FHIT: variants seen among roughly 807,000 people sequenced by gnomAD.
FHIT encodes the protein bis(5'-adenosyl)-triphosphatase.
FHIT carries 19 observed loss-of-function variants against 17.9 expected under a neutral mutation model. That is an observed-to-expected ratio of 1.06 (90% CI 0.74 to 1.56). The LOEUF (loss-of-function observed/expected upper bound fraction) is 1.56, where lower values mean the gene tolerates loss of function less well. FHIT is among the 40% of genes most tolerant of loss of function. FHIT has a pLI of 0.00. For synonymous variants in FHIT, 81 were observed against 69.7 expected, an observed-to-expected ratio of 1.16 and a Z score of -0.81; for missense variants, 248 against 189.2, an observed-to-expected ratio of 1.31 and a Z score of -1.82.
chr3:60,083,699 T>C (rs1703382097), intron 5 of FHIT, among the ~76,000 whole-genome samples: 1 of 152,214 alleles, frequency 6.6e-6, no homozygotes, highest in Admixed American at 6.5e-5. Context: ...TTTCAGTATG[T>C]ATGGCCTCTA....
At chr3:61,057,136 G>C (rs1211615136) in intron 2 of FHIT, among the ~76,000 whole-genome samples, 2 of 152,164 alleles carry the variant, frequency 1.3e-5, no homozygotes, top group African/African-American at 4.8e-5. Flanking sequence ...TTCCAGAGAT[G>C]ATTCTGTTTA....
At chr3:60,921,399 A>G (rs1166861958) in intron 3 of FHIT, among the ~76,000 whole-genome samples, 2 of 152,320 alleles carry the variant, frequency 1.3e-5, no homozygotes, top group Admixed American at 6.5e-5. Context: ...GTGCATGAGA[A>G]AGAAAAACAG....
chr3:60,822,987 G>A (rs1268649577), intron 3 of FHIT, among the ~76,000 whole-genome samples: 23 of 152,070 alleles, frequency 1.5e-4, no homozygotes, highest in Non-Finnish European at 5.9e-5. Context: ...AGAGGTAATC[G>A]TTTCCTTTTT....
intron 5 of FHIT, among the ~76,000 whole-genome samples, chr3:60,206,487 T>C (rs1703198150): frequency 6.6e-6 from 1 of 152,070 alleles, no homozygotes; most frequent in Admixed American, 6.5e-5. Context: ...ACAATTTTTT[T>C]CTTTTGTTTT....
intron 3 of FHIT, among the ~76,000 whole-genome samples, chr3:60,862,359 G>C (rs556985795): frequency 4.0e-5 from 6 of 151,710 alleles, no homozygotes; most frequent in Non-Finnish European, 5.9e-5. Context: ...ATAGAGACGC[G>C]GTCTCACTTT....
At chr3:59,830,562 G>A (rs1324139231) in intron 8 of FHIT, among the ~76,000 whole-genome samples, 3 of 152,164 alleles carry the variant, frequency 2.0e-5, no homozygotes, top group African/African-American at 7.2e-5. Flanking sequence ...ATTTTGCAGT[G>A]TGCAGTTTTC....
At chr3:60,556,816 A>T (rs2036756778) in intron 4 of FHIT, among the ~76,000 whole-genome samples, 1 of 151,968 alleles carries the variant, frequency 6.6e-6, no homozygotes, top group Admixed American at 6.6e-5. Context: ...CCTTCTATCC[A>T]AGGTGACCAC....
intron 3 of FHIT, among the ~76,000 whole-genome samples, chr3:60,978,321 T>C (rs1017772722): frequency 6.6e-6 from 1 of 152,178 alleles, no homozygotes; most frequent in Admixed American, 6.5e-5. Context: ...TCTGCTTCAG[T>C]TGGTGATCTT....
intron 3 of FHIT, among the ~76,000 whole-genome samples, chr3:60,861,942 C>CA (rs36022063): frequency 0.35 from 28,032 of 79,730 alleles, 3,467 homozygotes; most frequent in Middle Eastern, 0.44. Context: ...GACTCGGTCT[C>CA]AAAAAAAAAA....
At chr3:60,514,909 T>C (rs923155790) in intron 5 of FHIT, among the ~76,000 whole-genome samples, 1 of 151,872 alleles carries the variant, frequency 6.6e-6, no homozygotes, top group African/African-American at 2.4e-5. Context: ...CAGCCTTTGG[T>C]GTCTCACTCA....
At chr3:60,122,111 T>A (rs1239719517) in intron 5 of FHIT, among the ~76,000 whole-genome samples, 1 of 149,798 alleles carries the variant, frequency 6.7e-6, no homozygotes, top group Non-Finnish European at 1.5e-5. Context: ...AAATTGCAAC[T>A]AAAAAAAAAC....
At chr3:59,937,052 T>C (rs1351581577) in intron 7 of FHIT, among the ~76,000 whole-genome samples, 2 of 152,200 alleles carry the variant, frequency 1.3e-5, no homozygotes, top group Non-Finnish European at 2.9e-5. Context: ...AGTAACTGAA[T>C]TCAGACAAAA....
At chr3:60,024,372 G>A (rs972374738) in intron 5 of FHIT, among the ~76,000 whole-genome samples, 1 of 152,198 alleles carries the variant, frequency 6.6e-6, no homozygotes, top group African/African-American at 2.4e-5. Context: ...AGATTTCGTA[G>A]TGAGAGGTAT....
intron 4 of FHIT, among the ~76,000 whole-genome samples, chr3:60,577,013 T>G (rs1421867333): frequency 4.0e-5 from 6 of 150,986 alleles, no homozygotes; most frequent in African/African-American, 1.5e-4. Context: ...AATTCAATAT[T>G]CAACTTGTCG....
chr3:60,744,269 A>AAAAAAAAAAAAAAAC (rs2042307250), intron 4 of FHIT, among the ~76,000 whole-genome samples: 6 of 16,046 alleles, frequency 3.7e-4, no homozygotes, highest in Non-Finnish European at 5.1e-4. Flanking sequence ...AAAACAAAAC[A>AAAAAAAAAAAAAAAC]AAAAAAAAAA....
intron 3 of FHIT, among the ~76,000 whole-genome samples, chr3:60,931,716 C>G (rs1553771852): frequency 6.6e-6 from 1 of 152,176 alleles, no homozygotes; most frequent in African/African-American, 2.4e-5. Context: ...AGGTTTATCT[C>G]TGGGAGAGCT....
rs115726486 is a variant in FHIT at position 60,301,724 on chromosome 3, T to A, written c.103+235136A>T. ...CAAAATAAGTGATTAGGATAAACAT[T>A]GAAAATTTTACACCTAATTTTAACA... On this transcript the variant is annotated intron_variant, in intron 5 of 9. Transcript: ENST00000492590. Among the ~76,000 whole-genome samples the A allele has an allele frequency of 7.0e-3, 1,068 of 152,256 alleles. 18 individuals carry two copies. The highest frequency in any genetic ancestry group is 0.051 in the South Asian group (246 of 4,822).
intron 2 of FHIT, among the ~76,000 whole-genome samples, chr3:61,130,403 T>G (rs1340200090): frequency 6.6e-6 from 1 of 152,120 alleles, no homozygotes; most frequent in Non-Finnish European, 1.5e-5. Context: ...CAAATCCACA[T>G]TCTTACAATT....
At chr3:61,145,472 C>T (rs1035880126) in intron 2 of FHIT, among the ~76,000 whole-genome samples, 2 of 151,904 alleles carry the variant, frequency 1.3e-5, no homozygotes, top group African/African-American at 4.8e-5. Flanking sequence ...CTTCTTTCTT[C>T]TTTTTCAAGA....
Sources: allele counts gnomAD v4.1 joint callset (sites outside exome capture counted in the v4.1 genomes callset), GRCh38; gene constraint gnomAD v4.1.1; transcripts MANE v1.5; gene names NCBI Gene and HGNC (gene_info 2026-07-23, HGNC 2026-07-21).